NELL1: variants seen among roughly 807,000 people sequenced by gnomAD.
NELL1 encodes neural EGFL like 1, also known as protein kinase C-binding protein NELL1.
A neutral mutation model predicts 107.4 loss-of-function variants in NELL1; 76 were observed. The ratio of observed to expected loss-of-function variants is 0.71; its 90% CI spans 0.59 to 0.86. NELL1 has a LOEUF of 0.86. Among genes scored for constraint, NELL1 ranks in the 40% least tolerant of loss-of-function variants. The pLI is 0.00. For synonymous variants in NELL1, 353 were observed against 341.2 expected, an observed-to-expected ratio of 1.03 and a Z score of -0.38; for missense variants, 1,024 against 1,005.5, an observed-to-expected ratio of 1.02 and a Z score of -0.25.
intron 15 of NELL1, among the ~76,000 whole-genome samples, chr11:21,403,463 G>A (rs1852146767): frequency 6.6e-6 from 1 of 151,602 alleles, no homozygotes; most frequent in South Asian, 2.1e-4. Flanking sequence ...CTAGATAAAG[G>A]TGCTCAAACA....
intron 3 of NELL1, among the ~76,000 whole-genome samples, chr11:20,788,615 T>C (rs1243677414): frequency 6.6e-6 from 1 of 152,130 alleles, no homozygotes; most frequent in Non-Finnish European, 1.5e-5. Flanking sequence ...TGATTTACAG[T>C]TTTTTCCCCC....
intron 3 of NELL1, among the ~76,000 whole-genome samples, chr11:20,795,164 G>A (rs75307059): frequency 0.034 from 5,125 of 152,300 alleles, 283 homozygotes; most frequent in African/African-American, 0.12. Context: ...ACTCTTGGGA[G>A]TTTGTGTTTC....
intron 15 of NELL1, among the ~76,000 whole-genome samples, chr11:21,522,814 G>T (rs1855759496): frequency 7.0e-6 from 1 of 142,332 alleles, no homozygotes; most frequent in South Asian, 2.3e-4. Flanking sequence ...TCTTTATCTT[G>T]AATCCTATTT....
chr11:21,169,583 G>A (rs1454968719), intron 13 of NELL1, among the ~76,000 whole-genome samples: 2 of 151,884 alleles, frequency 1.3e-5, no homozygotes, highest in Admixed American at 6.5e-5. Context: ...ATTCTATGAT[G>A]AGCTATGCTA....
intron 13 of NELL1, among the ~76,000 whole-genome samples, chr11:21,226,510 G>A (rs1857896509): frequency 1.3e-5 from 2 of 152,132 alleles, no homozygotes; most frequent in African/African-American, 4.8e-5. Flanking sequence ...TGTAAAATGA[G>A]CAAACTTACT....
At chr11:20,905,134 C>T (rs974188331) in intron 5 of NELL1, among the ~76,000 whole-genome samples, 1 of 151,968 alleles carries the variant, frequency 6.6e-6, no homozygotes, top group African/African-American at 2.4e-5. Context: ...GCCACCTTGC[C>T]TGGCCCAAAA....
At chr11:21,406,505 G>T (rs1258393014) in intron 15 of NELL1, among the ~76,000 whole-genome samples, 1 of 151,902 alleles carries the variant, frequency 6.6e-6, no homozygotes, top group South Asian at 2.1e-4. Flanking sequence ...AACATAAAAT[G>T]AAATAAGGAT....
chr11:20,888,931 C>T (rs1447815594), intron 5 of NELL1, among the ~76,000 whole-genome samples: 2 of 152,154 alleles, frequency 1.3e-5, no homozygotes, highest in East Asian at 1.9e-4. Context: ...TTCCAAGTAT[C>T]GGAAGAGTGC....
intron 13 of NELL1, among the ~76,000 whole-genome samples, chr11:21,221,792 A>C (rs571275470): frequency 2.0e-5 from 3 of 152,270 alleles, no homozygotes; most frequent in African/African-American, 7.2e-5. Flanking sequence ...TCCCAGGCTC[A>C]AGAAATCCTC....
rs1314912950 is a variant in NELL1 at position 20,766,414 on chromosome 11, A to G, written c.185-17266A>G. Among the ~76,000 whole-genome samples the G allele has an allele frequency of 2.0e-5, 3 of 152,344 alleles. No homozygotes were observed. The East Asian group carries it at 5.8e-4, about 29-fold the overall frequency. On this transcript the variant is annotated intron_variant, in intron 2 of 19. Transcript: ENST00000357134. ...AAAGGAAAGACACAAGGTGGTTGGC[A>G]TTCAGGGCGTGGCAAGGTTTTCCCC...
intron 9 of NELL1, among the ~76,000 whole-genome samples, chr11:20,932,001 G>A (rs1331946735): frequency 6.6e-6 from 1 of 152,010 alleles, no homozygotes; most frequent in Admixed American, 6.6e-5. Flanking sequence ...TCTTGGCCTT[G>A]GGAACTGCAG....
intron 12 of NELL1, among the ~76,000 whole-genome samples, chr11:20,996,218 C>T (rs531683846): frequency 1.3e-5 from 2 of 151,744 alleles, no homozygotes; most frequent in African/African-American, 4.9e-5. Flanking sequence ...GCTAAGTATT[C>T]AGCTTATTCA....
At chr11:20,749,727 A>G (rs1403674831) in intron 2 of NELL1, among the ~76,000 whole-genome samples, 1 of 152,160 alleles carries the variant, frequency 6.6e-6, no homozygotes, top group African/African-American at 2.4e-5. Context: ...CCCTCTAAAT[A>G]AAAATATTTT....
intron 16 of NELL1, among the ~76,000 whole-genome samples, chr11:21,551,758 A>G (rs1300574943): frequency 6.6e-6 from 1 of 151,240 alleles, no homozygotes; most frequent in Non-Finnish European, 1.5e-5. Context: ...AACTAGAAAT[A>G]CCATTTGACC....
At chr11:20,860,558 T>G (rs1008190763) in intron 4 of NELL1, among the ~76,000 whole-genome samples, 1 of 152,206 alleles carries the variant, frequency 6.6e-6, no homozygotes, top group South Asian at 2.1e-4. Context: ...GAGGTTCAAA[T>G]GAGGGCCTGC....
At chr11:21,272,874 A>C (rs1848769938) in intron 14 of NELL1, among the ~76,000 whole-genome samples, 1 of 152,362 alleles carries the variant, frequency 6.6e-6, no homozygotes, top group African/African-American at 2.4e-5. Flanking sequence ...AACAAACAGA[A>C]AGGACATCCA....
chr11:21,124,987 A>C (rs1019035195), intron 13 of NELL1, among the ~76,000 whole-genome samples: 3 of 152,070 alleles, frequency 2.0e-5, no homozygotes, highest in African/African-American at 7.2e-5. Context: ...CTAATAACCT[A>C]ATCACTCCCA....
At chr11:21,141,737 T>TTTA in intron 13 of NELL1, among the ~76,000 whole-genome samples, 1 of 147,650 alleles carries the variant, frequency 6.8e-6, no homozygotes, top group South Asian at 2.2e-4. Context: ...CCTCTATCCT[T>TTTA]TTTATTTATT....
intron 14 of NELL1, among the ~76,000 whole-genome samples, chr11:21,235,748 G>A (rs1163380571): frequency 6.6e-6 from 1 of 152,044 alleles, no homozygotes; most frequent in Admixed American, 6.6e-5. Context: ...TTAACACAGG[G>A]ATACAAATTT....
Sources: gnomAD v4.1 joint callset for allele counts (sites outside exome capture counted in the v4.1 genomes callset) on GRCh38, gnomAD v4.1.1 for gene constraint, MANE v1.5 for transcripts, NCBI Gene and HGNC (gene_info 2026-07-23, HGNC 2026-07-21) for gene names.